The following ZNRF3 variants were observed in gnomAD, a reference collection of about 807,000 sequenced individuals.
The protein encoded by ZNRF3 is E3 ubiquitin-protein ligase ZNRF3.
ZNRF3 carries 23 observed loss-of-function variants against 72.5 expected under a neutral mutation model. The ratio of observed to expected loss-of-function variants is 0.32; its 90% confidence interval spans 0.23 to 0.45. The LOEUF (loss-of-function observed/expected upper bound fraction) is 0.45, where lower values mean the gene tolerates loss of function less well. Ranked by LOEUF, ZNRF3 falls within the 20% of genes least tolerant of loss-of-function variation. The probability of loss-of-function intolerance (pLI) is 1.00; values close to 1 mark genes in which losing one functional copy is unlikely to be tolerated. For missense variants in ZNRF3, 1,169 were observed against 1,272.1 expected (o/e 0.92, Z 1.23); for synonymous variants, 610 against 545.3 (o/e 1.12, Z -1.65).
intron 2 of ZNRF3, chr22:29,031,682 GA>G: frequency 1.0e-6 from 1 of 966,152 alleles, no homozygotes; most frequent in Non-Finnish European, 1.2e-6. Flanking sequence ...GGGATAACAG[GA>G]CTCAAAGAGC....
intron 1 of ZNRF3, 57 bp from the exon 2 acceptor site, chr22:28,987,019 G>T: frequency 6.4e-7 from 1 of 1,572,380 alleles, no homozygotes; most frequent in Non-Finnish European, 8.6e-7. Flanking sequence ...TACACAATAT[G>T]AGTCAAGCAA....
At position 28,888,273 on chromosome 22, in the gene ZNRF3, C is replaced by T. The variant is rs527859408; in HGVS notation, c.300+4207C>T. ...GAAACTAATTCCTCTGCTTTGTTTC[C>T]CTGTCAGTGTGCTTCTGCAGTTTAG... On this transcript the variant is annotated intron_variant, in intron 1 of 8. Transcript: ENST00000544604. Among the ~76,000 whole-genome samples the T allele has an allele frequency of 2.6e-5, 4 of 152,252 alleles. No individual in the cohort carries two copies. The South Asian group carries it at 8.3e-4, about 32-fold the overall frequency.
rs773296494 is a variant in ZNRF3, at chr22:29,001,059, C to CTTT, written c.426+13883_426+13885dup. 3.6e-3 allele frequency among the ~76,000 whole-genome samples: 281 copies of CTTT among 77,956 alleles called. 54 individuals carry two copies. Among genetic ancestry groups the CTTT allele is most frequent in the African/African-American group, 9.8e-3 (213 of 21,782 alleles). 51.1% of individuals were successfully genotyped at this position (77,956 alleles called of 152,430 possible). A position where few individuals can be genotyped will look rare whatever the true frequency, so the allele number is the denominator to read the frequency against. ...CTGCCTTGGCCTCCCAAAGCTTTGC[C>CTTT]TTTTTTTTTTTTTTTTTTTTTTTTT... On this transcript the variant is annotated intron_variant, in intron 2 of 8. Transcript: ENST00000544604.
chr22:29,026,910 A>AT (rs2036646731), intron 2 of ZNRF3: 1 of 152,174 alleles, frequency 6.6e-6, no homozygotes, highest in African/African-American at 2.4e-5. Flanking sequence ...TCGAAGACAC[A>AT]TTTTCTCTTC....
chr22:28,888,946 C>CA (rs527616372), intron 1 of ZNRF3, among the ~76,000 whole-genome samples: 17 of 151,630 alleles, frequency 1.1e-4, no homozygotes, highest in African/African-American at 3.4e-4. Flanking sequence ...TGAAACCATA[C>CA]AAAAAAAATA....
chr22:28,928,903 A>C (rs1038754205), intron 1 of ZNRF3, among the ~76,000 whole-genome samples: 3 of 152,226 alleles, frequency 2.0e-5, no homozygotes, highest in African/African-American at 7.2e-5. Flanking sequence ...CACAGGTCCT[A>C]TAATGCTAAC....
chr22:29,024,807 C>A (rs1370716906), intron 2 of ZNRF3, among the ~76,000 whole-genome samples: 3 of 151,880 alleles, frequency 2.0e-5, no homozygotes. Context: ...CAGGTAGTGA[C>A]CCAAAAATGT....
chr22:28,968,218 A>G (rs1370361110), intron 1 of ZNRF3, among the ~76,000 whole-genome samples: 2 of 151,846 alleles, frequency 1.3e-5, no homozygotes, highest in Non-Finnish European at 2.9e-5. Flanking sequence ...TCCTATCTCC[A>G]TCTTTGTCCA....
intron 1 of ZNRF3, among the ~76,000 whole-genome samples, chr22:28,924,417 G>T (rs2034564797): frequency 6.6e-6 from 1 of 152,152 alleles, no homozygotes; most frequent in African/African-American, 2.4e-5. Flanking sequence ...TCAGGCTTTG[G>T]AACACACCTG....
chr22:28,962,529 A>G (rs1213006674), intron 1 of ZNRF3, among the ~76,000 whole-genome samples: 3 of 152,210 alleles, frequency 2.0e-5, no homozygotes, highest in Non-Finnish European at 4.4e-5. Flanking sequence ...TGACTCTCGT[A>G]GAGGTGCTAC....
intron 1 of ZNRF3, among the ~76,000 whole-genome samples, chr22:28,920,079 C>A (rs550670600): frequency 6.6e-6 from 1 of 150,848 alleles, no homozygotes; most frequent in Non-Finnish European, 1.5e-5. Context: ...AAGCAATTCT[C>A]GTGCCTCAGC....
At chr22:28,921,497 G>A (rs2034512591) in intron 1 of ZNRF3, among the ~76,000 whole-genome samples, 1 of 152,168 alleles carries the variant, frequency 6.6e-6, no homozygotes, top group African/African-American at 2.4e-5. Flanking sequence ...CCCACATTCT[G>A]CCCATCTTTC....
intron 1 of ZNRF3, among the ~76,000 whole-genome samples, chr22:28,914,604 C>T (rs1433707231): frequency 6.7e-6 from 1 of 149,104 alleles, no homozygotes; most frequent in South Asian, 2.1e-4. Flanking sequence ...CACCTGAAGT[C>T]AGGAGTTTGA....
At position 29,044,821 on chromosome 22, in the gene ZNRF3, C is replaced by T; in HGVS notation, c.675C>T (p.Phe225=). 1.2e-6 allele frequency: 2 copies of T among 1,614,158 alleles called. No individual in the cohort carries two copies. The highest frequency in any genetic ancestry group is 1.7e-6 in the Non-Finnish European group (2 of 1,180,032). ...EYFDMGIFLA[F]FVVVSLVCLI... ...TTGACATGGGGATTTTCCTGGCTTT[C>T]TTCGTCGTGGTCTCCTTGGTCTGCC... Residue 225 remains phenylalanine, a synonymous_variant, in exon 5 of 9, where the codon TTC becomes TTT. Coordinates refer to ENST00000544604, the MANE Select transcript of ZNRF3 (RefSeq NM_001206998.2).
At chr22:28,937,149 C>T (rs900939594) in intron 1 of ZNRF3, among the ~76,000 whole-genome samples, 5 of 143,580 alleles carry the variant, frequency 3.5e-5, no homozygotes, top group East Asian at 2.0e-4. Flanking sequence ...GACAGTAATC[C>T]GCTGCCAACC....
chr22:29,026,300 C>T (rs2036636067), intron 2 of ZNRF3: 1 of 152,246 alleles, frequency 6.6e-6, no homozygotes, highest in East Asian at 1.9e-4. Flanking sequence ...TATCCCTTCT[C>T]CACACCCCCA....
intron 1 of ZNRF3, among the ~76,000 whole-genome samples, chr22:28,934,675 A>G (rs986801676): frequency 3.3e-5 from 5 of 152,018 alleles, no homozygotes; most frequent in Admixed American, 6.6e-5. Context: ...AATATTAGCC[A>G]GGTGTGGTGG....
chr22:28,963,464 G>C (rs1275213421), intron 1 of ZNRF3, among the ~76,000 whole-genome samples: 3 of 152,150 alleles, frequency 2.0e-5, no homozygotes, highest in African/African-American at 4.8e-5. Flanking sequence ...CGCAGGAGAG[G>C]GGGGTAGGGA....
At chr22:28,958,175 G>A (rs186006839) in intron 1 of ZNRF3, among the ~76,000 whole-genome samples, 2 of 152,340 alleles carry the variant, frequency 1.3e-5, no homozygotes, top group East Asian at 1.9e-4. Context: ...GCAACAGAGC[G>A]AGACTCCGTC....
Sources: allele counts gnomAD v4.1 joint callset (sites outside exome capture counted in the v4.1 genomes callset), GRCh38; gene constraint gnomAD v4.1.1; transcripts MANE v1.5; gene names NCBI Gene and HGNC (gene_info 2026-07-23, HGNC 2026-07-21).